Variants in PDE4D observed in about 807,000 individuals in gnomAD.
PDE4D encodes the protein phosphodiesterase 4D.
PDE4D carries 24 observed loss-of-function variants against 87.4 expected under a neutral mutation model. The observed-to-expected ratio is 0.27, with a 90% CI of 0.20 to 0.39. PDE4D has a LOEUF of 0.39. Ranked by LOEUF, PDE4D falls within the 10% of genes least tolerant of loss-of-function variation. PDE4D has a pLI of 1.00. For synonymous variants in PDE4D, 384 were observed against 383.2 expected (o/e 1.00, Z -0.02); for missense variants, 714 against 1,041.0 (o/e 0.69, Z 4.32).
chr5:59,637,967 T>C (rs1740876456), intron 1 of PDE4D, among the ~76,000 whole-genome samples: 9 of 152,230 alleles, frequency 5.9e-5, no homozygotes, highest in Admixed American at 5.9e-4. Context: ...AAAGTTCCAG[T>C]ATTATTTCGT....
intron 3 of PDE4D, 55 bp from the exon 4 acceptor site, chr5:59,185,317 C>A: frequency 7.8e-7 from 1 of 1,290,268 alleles, no homozygotes; most frequent in South Asian, 1.3e-5. Flanking sequence ...TTTAAATACA[C>A]TTGAAAATGG....
At chr5:59,090,807 C>CTTTTTTTT (rs61610340) in intron 5 of PDE4D, among the ~76,000 whole-genome samples, 4 of 106,022 alleles carry the variant, frequency 3.8e-5, no homozygotes, top group Non-Finnish European at 7.6e-5. Context: ...TTTTCTTTTT[C>CTTTTTTTT]TTTTTTTTTT....
At chr5:59,240,057 C>T (rs950740513) in intron 1 of PDE4D, among the ~76,000 whole-genome samples, 1 of 152,132 alleles carries the variant, frequency 6.6e-6, no homozygotes, top group African/African-American at 2.4e-5. Flanking sequence ...CATCTTGAGG[C>T]CAGTGAAGCA....
At chr5:60,273,389 G>C (rs1185389162) in intron 1 of PDE4D, among the ~76,000 whole-genome samples, 2 of 152,180 alleles carry the variant, frequency 1.3e-5, no homozygotes, top group African/African-American at 4.8e-5. Flanking sequence ...GTGAAAAGAA[G>C]ATCCTTGGAA....
At chr5:59,928,585 AG>A (rs1439112976) in intron 3 of PDE4D, among the ~76,000 whole-genome samples, 1 of 152,144 alleles carries the variant, frequency 6.6e-6, no homozygotes, top group East Asian at 1.9e-4. Context: ...CTCAAAAAAA[AG>A]AAAAAGAAAA....
In PDE4D at chr5:58,977,130, T is replaced by C. The variant is rs1174469426; in HGVS notation, c.1707+61A>G. 4 of 1,462,566 alleles carry C rather than the reference T, an allele frequency of 2.7e-6. No homozygotes were observed. The African/African-American group carries it at 4.3e-5, about 16-fold the overall frequency. 90.6% of individuals were successfully genotyped at this position (1,462,566 alleles called of 1,614,324 possible). A position where few individuals can be genotyped will look rare whatever the true frequency, so the allele number is the denominator to read the frequency against. On this transcript the variant is annotated intron_variant, in intron 12 of 14. Coordinates refer to ENST00000340635, the MANE Select transcript of PDE4D (RefSeq NM_001104631.2). Reference sequence around the variant, plus strand: ...TTACCTAATACTCATCTTGTTCTTATGTCTAAATTATAAACAACTTGCATC... The same window carrying C: ...TTACCTAATACTCATCTTGTTCTTACGTCTAAATTATAAACAACTTGCATC...
chr5:59,003,550 A>G (rs1377341283), intron 6 of PDE4D, among the ~76,000 whole-genome samples: 1 of 152,244 alleles, frequency 6.6e-6, no homozygotes, highest in African/African-American at 2.4e-5. Context: ...AATATTTATT[A>G]AGCTCCTACT....
chr5:59,481,207 G>C (rs1443877306), intron 1 of PDE4D, among the ~76,000 whole-genome samples: 1 of 152,018 alleles, frequency 6.6e-6, no homozygotes, highest in Non-Finnish European at 1.5e-5. Context: ...TCCTAGAGAG[G>C]ATTTCTTTTT....
At chr5:59,569,772 T>C (rs1821518647) in intron 1 of PDE4D, among the ~76,000 whole-genome samples, 1 of 152,158 alleles carries the variant, frequency 6.6e-6, no homozygotes, top group South Asian at 2.1e-4. Flanking sequence ...CCACTTTATA[T>C]GTGACAAGGC....
chr5:59,175,986 G>T (rs1198101199), intron 5 of PDE4D, among the ~76,000 whole-genome samples: 1 of 151,890 alleles, frequency 6.6e-6, no homozygotes, highest in Non-Finnish European at 1.5e-5. Context: ...AGTCCTAAGT[G>T]TTAGGTACTC....
At chr5:59,357,008 T>A in intron 1 of PDE4D, 2 of 852,046 alleles carry the variant, frequency 2.3e-6, no homozygotes, top group Non-Finnish European at 3.2e-6. Flanking sequence ...GCAGGCTGGC[T>A]GAGGCAGGGC....
chr5:60,179,359 T>C (rs948306817), intron 2 of PDE4D, among the ~76,000 whole-genome samples: 3 of 152,150 alleles, frequency 2.0e-5, no homozygotes, highest in Non-Finnish European at 4.4e-5. Context: ...GTTATCTGCT[T>C]ATTGATGGAC....
At chr5:58,987,640 AAT>A (rs1280862853) in intron 11 of PDE4D, among the ~76,000 whole-genome samples, 2 of 49,272 alleles carry the variant, frequency 4.1e-5, no homozygotes, top group African/African-American at 1.1e-4. Context: ...CTCAAGCAAA[AAT>A]GAAAGAAAGG....
chr5:59,581,376 G>A (rs1446510137), intron 1 of PDE4D, among the ~76,000 whole-genome samples: 6 of 152,200 alleles, frequency 3.9e-5, no homozygotes, highest in Middle Eastern at 3.4e-3. Context: ...ATTAGTGTAA[G>A]TAACTCAGTA....
At chr5:60,341,392 A>C (rs1219888079) in intron 1 of PDE4D, among the ~76,000 whole-genome samples, 1 of 152,154 alleles carries the variant, frequency 6.6e-6, no homozygotes, top group Non-Finnish European at 1.5e-5. Context: ...CTTTCACAGA[A>C]GTGGCCACAG....
chr5:60,416,982 A>C (rs1241975652), intron 1 of PDE4D, among the ~76,000 whole-genome samples: 1 of 152,230 alleles, frequency 6.6e-6, no homozygotes, highest in African/African-American at 2.4e-5. Flanking sequence ...GTGCGATTCC[A>C]TCTACAAATG....
At chr5:59,794,116 C>A (rs2152653171) in intron 1 of PDE4D, among the ~76,000 whole-genome samples, 1 of 147,904 alleles carries the variant, frequency 6.8e-6, no homozygotes, top group African/African-American at 2.5e-5. Flanking sequence ...TGGACAGATA[C>A]ACAGACACAC....
chr5:59,260,909 C>G (rs1761882526), intron 1 of PDE4D, among the ~76,000 whole-genome samples: 1 of 144,236 alleles, frequency 6.9e-6, no homozygotes, highest in Non-Finnish European at 1.5e-5. Context: ...TTATAAAAAT[C>G]ATTTATGGAA....
chr5:60,060,096 A>G (rs1429395392), intron 2 of PDE4D, among the ~76,000 whole-genome samples: 3 of 152,098 alleles, frequency 2.0e-5, no homozygotes, highest in Admixed American at 2.0e-4. Context: ...TGGAGAAGAG[A>G]AGAAAATTCA....
Sources: allele counts gnomAD v4.1 joint callset (sites outside exome capture counted in the v4.1 genomes callset), GRCh38; gene constraint gnomAD v4.1.1; transcripts MANE v1.5; gene names NCBI Gene and HGNC (gene_info 2026-07-23, HGNC 2026-07-21).